CTNND2: variants seen among roughly 807,000 people sequenced by gnomAD.
CTNND2 encodes the protein catenin delta 2, also known as catenin delta-2.
In CTNND2, 22 loss-of-function variants were observed where a neutral mutation model predicts 144.4. The observed-to-expected ratio is 0.15, with a 90% CI of 0.11 to 0.22. The LOEUF (loss-of-function observed/expected upper bound fraction) is 0.22. Among genes scored for constraint, CTNND2 ranks in the 10% least tolerant of loss-of-function variants. The pLI, the probability that CTNND2 is intolerant of heterozygous loss-of-function variation, is 1.00. For synonymous variants in CTNND2, 751 were observed against 695.6 expected (o/e 1.08, Z -1.25); for missense variants, 1,353 against 1,618.8 (o/e 0.84, Z 2.82).
intron 9 of CTNND2, among the ~76,000 whole-genome samples, chr5:11,268,613 AAAAAATAACAT>A (rs1745692836): frequency 3.3e-5 from 5 of 152,132 alleles, no homozygotes; most frequent in Admixed American, 2.6e-4. Flanking sequence ...CACACAAAAG[AAAAAATAACAT>A]AAAAATAACA....
At chr5:11,668,145 C>T (rs1017431169) in intron 2 of CTNND2, among the ~76,000 whole-genome samples, 3 of 152,184 alleles carry the variant, frequency 2.0e-5, no homozygotes, top group South Asian at 4.1e-4. Flanking sequence ...GGTACCAGTA[C>T]CATGCTGTTT....
intron 11 of CTNND2, among the ~76,000 whole-genome samples, chr5:11,162,516 G>A (rs374159346): frequency 6.6e-6 from 1 of 152,048 alleles, no homozygotes; most frequent in African/African-American, 2.4e-5. Context: ...CTCCATCTGC[G>A]AGTCACATTC....
At chr5:11,326,479 C>T (rs751367831) in intron 9 of CTNND2, among the ~76,000 whole-genome samples, 3 of 152,086 alleles carry the variant, frequency 2.0e-5, no homozygotes, top group Non-Finnish European at 4.4e-5. Context: ...GACCCCTCAC[C>T]CCTGGGACAC....
intron 2 of CTNND2, among the ~76,000 whole-genome samples, chr5:11,623,246 C>A (rs1385064420): frequency 7.2e-5 from 11 of 152,024 alleles, no homozygotes. Flanking sequence ...ACTGTGTCCC[C>A]ACCCAAATCT....
intron 16 of CTNND2, among the ~76,000 whole-genome samples, chr5:11,068,175 C>T (rs749833819): frequency 6.6e-6 from 1 of 152,036 alleles, no homozygotes; most frequent in Non-Finnish European, 1.5e-5. Context: ...CACAGTTTTC[C>T]AAAAGATTAG....
rs1561102065 is a variant in CTNND2, at chr5:10,973,723, A to T, written c.3418-10T>A. On this transcript the variant is annotated splice_polypyrimidine_tract_variant and intron_variant, in intron 21 of 21. Coordinates refer to ENST00000304623, the MANE Select transcript of CTNND2 (RefSeq NM_001332.4). The surrounding 1 kb of genome is among the most constrained non-coding windows in gnomAD (Gnocchi z 5.6). ...CTGGCTGTGCTGAAACCTAAACGGG[A>T]AAGAAGAGCCACACTGGGTTACTTG... The T allele has an allele frequency of 2.5e-6, 4 of 1,581,952 alleles. No individual in the cohort carries two copies. The highest frequency in any genetic ancestry group is 3.4e-6 in the Non-Finnish European group (4 of 1,164,242).
intron 2 of CTNND2, among the ~76,000 whole-genome samples, chr5:11,619,089 A>G (rs1780713604): frequency 6.6e-6 from 1 of 152,184 alleles, no homozygotes; most frequent in Admixed American, 6.6e-5. Flanking sequence ...AAAAACATAA[A>G]AGTCCTAAAA....
chr5:11,140,496 C>T (rs1343425334), intron 12 of CTNND2, among the ~76,000 whole-genome samples: 1 of 152,144 alleles, frequency 6.6e-6, no homozygotes, highest in African/African-American at 2.4e-5. Flanking sequence ...ACTATGTATG[C>T]TAATAAAGTT....
At chr5:11,631,063 T>C (rs141967724) in intron 2 of CTNND2, among the ~76,000 whole-genome samples, 1 of 152,300 alleles carries the variant, frequency 6.6e-6, no homozygotes, top group African/African-American at 2.4e-5. Context: ...AATTTTGATG[T>C]AGTAATATAA....
chr5:11,228,062 C>T (rs1270079291), intron 10 of CTNND2, among the ~76,000 whole-genome samples: 1 of 151,956 alleles, frequency 6.6e-6, no homozygotes, highest in Non-Finnish European at 1.5e-5. Flanking sequence ...GCCCTGTTGG[C>T]TGGGCGTGAT....
At chr5:11,432,032 C>G (rs1380331693) in intron 3 of CTNND2, among the ~76,000 whole-genome samples, 1 of 151,474 alleles carries the variant, frequency 6.6e-6, no homozygotes. Flanking sequence ...TTCATTGCTT[C>G]CTGGGTAAAT....
rs751813141 is a variant in CTNND2 at position 11,082,826 on chromosome 5, G to T, written c.2658C>A (p.Ala886=). The part of the protein sequence containing the change: ...GSWKWSVYIR[A]AVRKEKGLPI... The stretch of plus-strand genomic sequence containing the variant: ...GCAGGCCTTTCTCTTTTCGGACAGC[G>T]GCTCGGATATATACTGACCACTGCA... The change falls in exon 16 of 22, where the codon GCC becomes GCA. Residue 886 remains alanine (A), a synonymous_variant. Coordinates refer to ENST00000304623, the MANE Select transcript of CTNND2 (RefSeq NM_001332.4). 9.3e-6 allele frequency: 15 copies of T among 1,613,996 alleles called. No individual in the cohort carries two copies. The East Asian group carries it at 3.3e-4, about 36-fold the overall frequency.
chr5:11,262,724 T>C (rs1745005730), intron 9 of CTNND2, among the ~76,000 whole-genome samples: 1 of 118,256 alleles, frequency 8.5e-6, no homozygotes, highest in Non-Finnish European at 1.6e-5. Flanking sequence ...ACCGCACCAC[T>C]GCACTCCAGC....
chr5:11,559,041 C>T lies in CTNND2; in HGVS notation c.287+5903G>A, dbSNP rs201695841. 2.6e-5 allele frequency among the ~76,000 whole-genome samples: 4 copies of T among 152,132 alleles called. No individual in the cohort carries two copies. In the East Asian group the frequency reaches 7.7e-4, roughly 29 times the overall value. On this transcript the variant is annotated intron_variant, in intron 3 of 21. Coordinates refer to ENST00000304623, the MANE Select transcript of CTNND2 (RefSeq NM_001332.4). ...GGAGTCTGGAATTTACAAGATCCCC[C>T]AGGGTATGGCTGGCCAAGTGAGGCC...
chr5:11,009,096 T>A (rs1276375715), intron 18 of CTNND2, among the ~76,000 whole-genome samples: 1 of 152,248 alleles, frequency 6.6e-6, no homozygotes, highest in Non-Finnish European at 1.5e-5. Flanking sequence ...ACAAAATTTG[T>A]ATCTTCCCTG....
At chr5:11,110,679 G>A (rs1452717369) in intron 14 of CTNND2, among the ~76,000 whole-genome samples, 179 bp downstream of exon 14, 3 of 152,104 alleles carry the variant, frequency 2.0e-5, no homozygotes, top group African/African-American at 4.8e-5. Flanking sequence ...AGACGTGAGG[G>A]AAATCATTTC....
chr5:11,005,933 T>C lies in CTNND2; in HGVS notation c.3084+12041A>G, dbSNP rs1367612952. Among the ~76,000 whole-genome samples the C allele has an allele frequency of 3.9e-5, 6 of 152,326 alleles. No individual in the cohort carries two copies. The East Asian group carries it at 7.7e-4, about 20-fold the overall frequency. On this transcript the variant is annotated intron_variant, in intron 18 of 21. Transcript: ENST00000304623. ...ACCTATGTAACAAACCTGCATGTTC[T>C]GCACATGTATCCCAGAACTCAAAGT...
At chr5:11,685,808 T>C (rs1481364560) in intron 2 of CTNND2, among the ~76,000 whole-genome samples, 1 of 152,182 alleles carries the variant, frequency 6.6e-6, no homozygotes, top group Non-Finnish European at 1.5e-5. Context: ...TTTCCCAGTC[T>C]AGAGGTGAGG....
chr5:11,653,334 T>C (rs1356529422), intron 2 of CTNND2, among the ~76,000 whole-genome samples: 1 of 152,108 alleles, frequency 6.6e-6, no homozygotes, highest in African/African-American at 2.4e-5. Context: ...CATGCCCTAA[T>C]GTCTCTACCA....
Sources: allele counts gnomAD v4.1 joint callset (sites outside exome capture counted in the v4.1 genomes callset), GRCh38; gene constraint gnomAD v4.1.1; non-coding constraint Gnocchi (gnomAD v3.1); transcripts MANE v1.5; gene names NCBI Gene and HGNC (gene_info 2026-07-23, HGNC 2026-07-21).